PCDHGA1: variants seen among roughly 807,000 people sequenced by gnomAD.
The protein encoded by PCDHGA1 is protocadherin gamma subfamily A, 1.
PCDHGA1 carries 32 observed loss-of-function variants against 58.0 expected under a neutral mutation model. The ratio of observed to expected loss-of-function variants is 0.55; its 90% confidence interval spans 0.42 to 0.74. The LOEUF (loss-of-function observed/expected upper bound fraction) is 0.74. Ranked by LOEUF, PCDHGA1 falls within the 30% of genes least tolerant of loss-of-function variation. PCDHGA1 has a pLI of 0.00. For missense variants in PCDHGA1, 1,205 were observed against 1,182.3 expected (o/e 1.02, Z -0.28); for synonymous variants, 498 against 501.1 (o/e 0.99, Z 0.08).
chr5:141,378,002 A>G (rs111381371), intron 1 of PCDHGA1: 1 of 152,236 alleles, frequency 6.6e-6, no homozygotes, highest in Non-Finnish European at 1.5e-5. Flanking sequence ...AGCTTGGCTC[A>G]AATAAGCTCT....
At chr5:141,415,185 C>G (rs375113497) in intron 1 of PCDHGA1, 66 of 1,613,860 alleles carry the variant, frequency 4.1e-5, no homozygotes, top group Non-Finnish European at 5.4e-5. Flanking sequence ...CCGTGGCCGA[C>G]AGCATCCCCC....
intron 1 of PCDHGA1, among the ~76,000 whole-genome samples, chr5:141,457,415 C>T (rs185690067): frequency 3.9e-4 from 60 of 152,300 alleles, no homozygotes; most frequent in African/African-American, 1.3e-3. Flanking sequence ...CATTACCCAT[C>T]CCTTTTTCCC....
intron 1 of PCDHGA1, chr5:141,355,370 G>A (rs756032397): frequency 2.4e-5 from 38 of 1,613,918 alleles, no homozygotes; most frequent in Non-Finnish European, 3.1e-5. Context: ...TTGGCGCCCC[G>A]GGAGCTGGCG....
rs987203685 is a variant in PCDHGA1 at position 141,403,829 on chromosome 5, C to A, written c.2421+70724C>A. ...TAATGAAAAACAATCTCTGCTATTC[C>A]AGCTTAATGAAAATACTGGGGAAAT... is the stretch of plus-strand genomic sequence containing the variant. On this transcript the variant is annotated intron_variant, in intron 1 of 3. Transcript: ENST00000517417. 1.2e-6 allele frequency: 2 copies of A among 1,613,602 alleles called. No homozygotes were observed. The highest frequency in any genetic ancestry group is 2.2e-5 in the East Asian group (1 of 44,884).
At chr5:141,388,715 T>A (rs2091466126) in intron 1 of PCDHGA1, 1 of 1,613,878 alleles carries the variant, frequency 6.2e-7, no homozygotes, top group Non-Finnish European at 8.5e-7. Flanking sequence ...ATGCCGAGAT[T>A]ACTTTCTCTT....
At position 141,491,681 on chromosome 5, in the gene PCDHGA1, C is replaced by T; in HGVS notation, c.2422-3126C>T. 6.2e-6 allele frequency: 10 copies of T among 1,613,458 alleles called. No homozygotes were observed. Among genetic ancestry groups the T allele is most frequent in the Non-Finnish European group, 8.5e-6 (10 of 1,179,804 alleles). On this transcript the variant is annotated intron_variant, in intron 1 of 3. Transcript: ENST00000517417. The surrounding 1 kb of genome is among the most constrained non-coding windows in gnomAD (Gnocchi z 6.9). ...GACGCCATCCGGTCCCGCTCTAATA[C>T]GCTGCGGGAGCGGAGCCAGGTGAGG...
chr5:141,332,642 C>G lies in PCDHGA1; in HGVS notation c.1958C>G (p.Pro653Arg), dbSNP rs755220312. Residue 653 changes from proline to arginine, a missense_variant, in exon 1 of 4, where the codon CCG becomes CGG. By Grantham distance (103) the Pro-to-Arg change is moderately radical (BLOSUM62 -2). Coordinates refer to ENST00000517417, the MANE Select transcript of PCDHGA1 (RefSeq NM_018912.3). The surrounding 1 kb of genome is among the most constrained non-coding windows in gnomAD (Gnocchi z 4.6). The part of the protein sequence containing the change: ...VVAVQDHGQP[P>R]LSATVTLTVA... ...GCCGTCCAGGACCACGGCCAGCCCC[C>G]GCTCTCCGCCACTGTCACGCTCACC... is the stretch of plus-strand genomic sequence containing the variant. 2 of 1,612,990 alleles carry G rather than the reference C, an allele frequency of 1.2e-6. No individual in the cohort carries two copies. The highest frequency in any genetic ancestry group is 1.1e-5 in the South Asian group (1 of 91,034).
chr5:141,340,184 G>A (rs1473559871), intron 1 of PCDHGA1: 1 of 1,614,046 alleles, frequency 6.2e-7, no homozygotes, highest in Non-Finnish European at 8.5e-7. Context: ...CTACCGACTG[G>A]TTACAACCAG....
intron 2 of PCDHGA1, among the ~76,000 whole-genome samples, chr5:141,496,103 C>T (rs779317844): frequency 2.0e-5 from 3 of 152,218 alleles, no homozygotes; most frequent in South Asian, 2.1e-4. Flanking sequence ...ACCAACACCC[C>T]GCTCTCTTCC....
chr5:141,409,177 T>A (rs1272833119), intron 1 of PCDHGA1: 1 of 1,613,944 alleles, frequency 6.2e-7, no homozygotes, highest in Non-Finnish European at 8.5e-7. Context: ...AGGACGGAGG[T>A]GGTCTCTCTA....
intron 1 of PCDHGA1, 88 bp downstream of exon 1, chr5:141,333,193 T>C (rs765966685): frequency 6.3e-7 from 1 of 1,580,222 alleles, no homozygotes; most frequent in Admixed American, 1.7e-5. Flanking sequence ...CTACAGATAG[T>C]TCTTCTAACC....
At position 141,476,792 on chromosome 5, in the gene PCDHGA1, G is replaced by T. The variant is rs376910320; in HGVS notation, c.2422-18015G>T. ...GGACGGAGGGACCCCAGCTCTCTCC[G>T]CCAGCCTGCCTATTCACATCAAGGT... On this transcript the variant is annotated intron_variant, in intron 1 of 3. Coordinates refer to ENST00000517417, the MANE Select transcript of PCDHGA1 (RefSeq NM_018912.3). The surrounding 1 kb of genome is among the most constrained non-coding windows in gnomAD (Gnocchi z 7.6). 4.3e-6 allele frequency: 7 copies of T among 1,612,720 alleles called. No individual in the cohort carries two copies. Among genetic ancestry groups the T allele is most frequent in the Non-Finnish European group, 5.1e-6 (6 of 1,179,958 alleles).
chr5:141,338,981 C>T (rs767051919), intron 1 of PCDHGA1: 2 of 1,536,884 alleles, frequency 1.3e-6, no homozygotes, highest in Non-Finnish European at 1.8e-6. Flanking sequence ...AATGGCGGCT[C>T]TGCAAAAGTT....
At chr5:141,508,961 A>C (rs991011427) in intron 3 of PCDHGA1, among the ~76,000 whole-genome samples, 2 of 151,978 alleles carry the variant, frequency 1.3e-5, no homozygotes, top group African/African-American at 4.8e-5. Context: ...TGTCAGCGGA[A>C]TGAAAGGGCT....
intron 1 of PCDHGA1, chr5:141,404,551 G>A (rs764332245): frequency 1.9e-5 from 31 of 1,613,748 alleles, no homozygotes; most frequent in African/African-American, 1.1e-4. Flanking sequence ...TGCAGGTGAC[G>A]GCAAGTGACA....
intron 1 of PCDHGA1, chr5:141,366,348 C>T (rs374896827): frequency 6.2e-7 from 1 of 1,613,948 alleles, no homozygotes; most frequent in Admixed American, 1.7e-5. Context: ...GACATCCTGG[C>T]TGACCTAGGC....
intron 1 of PCDHGA1, chr5:141,339,825 C>T (rs762635972): frequency 6.2e-7 from 1 of 1,614,176 alleles, no homozygotes; most frequent in East Asian, 2.2e-5. Context: ...GAGAAAAGCC[C>T]TGGAGAAACC....
intron 1 of PCDHGA1, among the ~76,000 whole-genome samples, chr5:141,437,913 T>G (rs1232481433): frequency 6.6e-6 from 1 of 152,138 alleles, no homozygotes; most frequent in East Asian, 1.9e-4. Context: ...AATTTTTGTA[T>G]TTTTAGTAGA....
At chr5:141,406,173 T>C (rs1317526026) in intron 1 of PCDHGA1, among the ~76,000 whole-genome samples, 2 of 151,712 alleles carry the variant, frequency 1.3e-5, no homozygotes, top group African/African-American at 4.8e-5. Context: ...CCTGGGCTTA[T>C]GCAATCCTCC....
Sources: allele counts gnomAD v4.1 joint callset (sites outside exome capture counted in the v4.1 genomes callset), GRCh38; gene constraint gnomAD v4.1.1; non-coding constraint Gnocchi (gnomAD v3.1); transcripts MANE v1.5; gene names NCBI Gene and HGNC (gene_info 2026-07-23, HGNC 2026-07-21).